The following KHDRBS2 variants were observed in gnomAD, a reference collection of about 807,000 sequenced individuals.
The protein encoded by KHDRBS2 is KH domain-containing, RNA-binding, signal transduction-associated protein 2.
Under a neutral mutation model 44.3 loss-of-function variants are expected in KHDRBS2, and 26 were observed. The observed-to-expected ratio is 0.59, with a 90% confidence interval of 0.43 to 0.81. The LOEUF is 0.81. KHDRBS2 is among the 40% of genes least tolerant of loss of function. The pLI, the probability that KHDRBS2 is intolerant of heterozygous loss-of-function variation, is 0.00. For missense variants in KHDRBS2, 476 were observed against 433.1 expected (o/e 1.10, Z -0.88); for synonymous variants, 194 against 151.1 (o/e 1.28, Z -2.08).
At chr6:61,707,831 T>A (rs1035078745) in intron 7 of KHDRBS2, among the ~76,000 whole-genome samples, 13 of 151,676 alleles carry the variant, frequency 8.6e-5, no homozygotes, top group Non-Finnish European at 1.6e-4. Context: ...GTATGATACA[T>A]CCAGTCATAA....
intron 4 of KHDRBS2, among the ~76,000 whole-genome samples, chr6:61,930,316 T>G (rs1809768467): frequency 1.3e-5 from 2 of 151,986 alleles, no homozygotes; most frequent in African/African-American, 2.4e-5. Context: ...ATGGAGTAAA[T>G]TAACACCTTC....
At chr6:62,230,352 G>T (rs1369415938) in intron 1 of KHDRBS2, among the ~76,000 whole-genome samples, 2 of 152,120 alleles carry the variant, frequency 1.3e-5, no homozygotes, top group Non-Finnish European at 2.9e-5. Flanking sequence ...GTGACTCATA[G>T]GCTCTCTAAA....
At chr6:61,761,250 C>T (rs1238116318) in intron 6 of KHDRBS2, among the ~76,000 whole-genome samples, 2 of 152,118 alleles carry the variant, frequency 1.3e-5, no homozygotes, top group African/African-American at 4.8e-5. Flanking sequence ...ACAGTCTGGC[C>T]TCTTTTGGAA....
chr6:62,003,499 G>A (rs1351917799), intron 3 of KHDRBS2, among the ~76,000 whole-genome samples: 2 of 152,002 alleles, frequency 1.3e-5, no homozygotes, highest in Admixed American at 6.6e-5. Flanking sequence ...CAATATAGGA[G>A]CACCCAGATT....
the KHDRBS2 span, among the ~76,000 whole-genome samples, chr6:61,564,192 G>A: frequency 1.3e-5 from 2 of 152,034 alleles, no homozygotes. Flanking sequence ...AACAAGCATG[G>A]CAATTCATTT....
At chr6:61,755,372 G>A (rs1237554426) in intron 6 of KHDRBS2, among the ~76,000 whole-genome samples, 1 of 152,044 alleles carries the variant, frequency 6.6e-6, no homozygotes, top group Non-Finnish European at 1.5e-5. Context: ...AGCCTTATTA[G>A]TCCTGGACTA....
intron 1 of KHDRBS2, among the ~76,000 whole-genome samples, chr6:62,237,210 G>C (rs1173778992): frequency 1.3e-5 from 2 of 152,116 alleles, no homozygotes; most frequent in African/African-American, 4.8e-5. Context: ...TCTAAAAGTT[G>C]TATTTCTTTG....
the KHDRBS2 span, among the ~76,000 whole-genome samples, chr6:61,581,656 A>T: frequency 1.3e-5 from 2 of 148,994 alleles, no homozygotes; most frequent in African/African-American, 4.9e-5. Flanking sequence ...TTAAAAATAT[A>T]AGACAACTAT....
chr6:61,718,084 T>C (rs569278250), intron 7 of KHDRBS2, among the ~76,000 whole-genome samples: 1 of 152,194 alleles, frequency 6.6e-6, no homozygotes, highest in South Asian at 2.1e-4. Context: ...GCTTCATATG[T>C]TGTTGCAGGG....
chr6:62,104,052 C>A (rs1209767241), intron 2 of KHDRBS2, among the ~76,000 whole-genome samples: 3 of 151,972 alleles, frequency 2.0e-5, no homozygotes, highest in East Asian at 1.9e-4. Flanking sequence ...ATAATGATAA[C>A]CTTATAGAAA....
intron 2 of KHDRBS2, among the ~76,000 whole-genome samples, chr6:62,145,365 T>G (rs1349549934): frequency 6.6e-6 from 1 of 151,712 alleles, no homozygotes; most frequent in Non-Finnish European, 1.5e-5. Context: ...TTATATTCAA[T>G]TAAAGCTTAC....
intron 2 of KHDRBS2, among the ~76,000 whole-genome samples, chr6:62,099,011 T>C (rs570490297): frequency 3.3e-5 from 5 of 152,328 alleles, no homozygotes; most frequent in African/African-American, 1.2e-4. Context: ...AAACTCTTTG[T>C]TCAGGTTTTT....
At chr6:61,943,840 G>C (rs1812643132) in intron 4 of KHDRBS2, among the ~76,000 whole-genome samples, 2 of 151,916 alleles carry the variant, frequency 1.3e-5, no homozygotes, top group African/African-American at 4.8e-5. Context: ...ATAAAAAATG[G>C]GCAAAGGACA....
intron 4 of KHDRBS2, among the ~76,000 whole-genome samples, chr6:61,954,650 G>A (rs1765762113): frequency 7.8e-6 from 1 of 128,396 alleles, no homozygotes. Context: ...ACATACTTAT[G>A]TATACATACA....
intron 4 of KHDRBS2, among the ~76,000 whole-genome samples, chr6:61,961,015 C>T (rs572731565): frequency 6.6e-6 from 1 of 152,190 alleles, no homozygotes; most frequent in East Asian, 1.9e-4. Flanking sequence ...TTCTTCCCTG[C>T]CTTTTTTCCC....
chr6:61,855,537 A>G (rs1321759496), intron 6 of KHDRBS2, among the ~76,000 whole-genome samples: 2 of 151,584 alleles, frequency 1.3e-5, no homozygotes, highest in East Asian at 3.9e-4. Context: ...TTAGAACTAC[A>G]TCTCTTTGGT....
chr6:62,114,042 G>A (rs1562894513), intron 2 of KHDRBS2, among the ~76,000 whole-genome samples: 1 of 152,026 alleles, frequency 6.6e-6, no homozygotes, highest in Admixed American at 6.6e-5. Context: ...GCAAAGCAAA[G>A]GGGGAAAATC....
At chr6:62,270,736 G>A (rs1253553221) in intron 1 of KHDRBS2, among the ~76,000 whole-genome samples, 1 of 151,962 alleles carries the variant, frequency 6.6e-6, no homozygotes, top group Non-Finnish European at 1.5e-5. Flanking sequence ...AAGTAGATAA[G>A]GAAAAAAATC....
chr6:61,927,961 C>A (rs986050792), intron 4 of KHDRBS2, among the ~76,000 whole-genome samples: 3 of 152,004 alleles, frequency 2.0e-5, no homozygotes, highest in Admixed American at 6.6e-5. Context: ...GATACAGTGA[C>A]CTCACTGAGC....
Sources: allele counts gnomAD v4.1 joint callset (sites outside exome capture counted in the v4.1 genomes callset), GRCh38; gene constraint gnomAD v4.1.1; transcripts MANE v1.5; gene names NCBI Gene and HGNC (gene_info 2026-07-23, HGNC 2026-07-21).